The following PCNT variants were observed in gnomAD, a reference collection of about 807,000 sequenced individuals.
PCNT encodes pericentrin.
PCNT carries 319 observed loss-of-function variants against 380.4 expected under a neutral mutation model. The observed-to-expected ratio is 0.84, with a 90% CI of 0.77 to 0.92. The LOEUF (loss-of-function observed/expected upper bound fraction) is 0.92, where lower values mean the gene tolerates loss of function less well. PCNT is among the 40% of genes least tolerant of loss of function. PCNT has a pLI of 0.00. For missense variants in PCNT, 4,400 were observed against 4,255.3 expected, an observed-to-expected ratio of 1.03 and a Z score of -0.95; for synonymous variants, 1,845 against 1,735.2, an observed-to-expected ratio of 1.06 and a Z score of -1.57.
chr21:46,442,414 T>G, intron 43 of PCNT, 83 bp from the exon 44 acceptor site: 1 of 851,234 alleles, frequency 1.2e-6, no homozygotes, highest in Non-Finnish European at 2.0e-6. Context: ...ATTCTGCTTG[T>G]TTGGTCACAG....
intron 16 of PCNT, among the ~76,000 whole-genome samples, chr21:46,382,870 T>G (rs1408513565): frequency 7.9e-6 from 1 of 126,622 alleles, no homozygotes. Flanking sequence ...ATTCATGGTG[T>G]TGTGCATTCA....
intron 31 of PCNT, among the ~76,000 whole-genome samples, chr21:46,418,963 A>G (rs1328940999): frequency 6.6e-6 from 1 of 152,158 alleles, no homozygotes; most frequent in Non-Finnish European, 1.5e-5. Flanking sequence ...GCGGAGACTG[A>G]GTATTCTCTT....
rs1569298089 is a variant in PCNT at position 46,430,603 on chromosome 21, G to A, written c.8010G>A (p.Glu2670=). 1 of 1,568,176 alleles carries A rather than the reference G, an allele frequency of 6.4e-7. No individual in the cohort carries two copies. The highest frequency in any genetic ancestry group is 1.9e-5 in the Admixed American group (1 of 53,390). Residue 2670 remains glutamate (E), a synonymous_variant, in exon 37 of 47, where the codon GAG becomes GAA. Transcript: ENST00000359568. ...GGCGTGCCCTGCAGAGCCAGCTGGA[G>A]GAGGAGCAGCTGCGGCACCTGCAGA... ...GKGRALQSQL[E]EEQLRHLQRE... is the part of the protein sequence containing the mutation.
chr21:46,437,326 G>A (rs1340877949), intron 40 of PCNT, among the ~76,000 whole-genome samples: 2 of 121,432 alleles, frequency 1.6e-5, no homozygotes, highest in East Asian at 3.9e-4. Context: ...GCCATGGGAT[G>A]CTGTGTGACT....
rs1339410386 is a variant in PCNT at position 46,334,429 on chromosome 21, C to T, written c.300C>T (p.Asp100=). Residue 100 remains aspartate (D), a synonymous_variant, in exon 3 of 47, where the codon GAC becomes GAT. Transcript: ENST00000359568. ...ACTGTGATGGAGAGAAGAGAGAGGA[C>T]TTGGAACAGCTGCAGCAGAAGCAAG... ...PEDCDGEKRE[D]LEQLQQKQVN... The T allele has an allele frequency of 1.2e-6, 2 of 1,614,222 alleles. No individual in the cohort carries two copies. The highest frequency in any genetic ancestry group is 2.2e-5 in the East Asian group (1 of 44,882).
At chr21:46,442,734 C>G in intron 44 of PCNT, 161 bp downstream of exon 44, 1 of 677,438 alleles carries the variant, frequency 1.5e-6, no homozygotes, top group Admixed American at 2.1e-5. Context: ...AGGGAAGGCG[C>G]GCCCGGCGTA....
At chr21:46,392,484 G>A (rs2086066418) in intron 21 of PCNT, among the ~76,000 whole-genome samples, 1 of 152,252 alleles carries the variant, frequency 6.6e-6, no homozygotes, top group African/African-American at 2.4e-5. Flanking sequence ...GCCTCCCATA[G>A]TGCTGGGATC....
Position 46,374,801 on chromosome 21 carries a change from A to G in PCNT, c.3166-6893A>G, listed in dbSNP as rs569769576. On this transcript the variant is annotated intron_variant, in intron 15 of 46. Coordinates refer to ENST00000359568, the MANE Select transcript of PCNT (RefSeq NM_006031.6). ...GAGGTGGAGGTTGTGGTGAGCCAAG[A>G]TCGTGCCGTTGCACTCCAGCCTGGG... Among the ~76,000 whole-genome samples the G allele has an allele frequency of 1.6e-3, 228 of 146,626 alleles. 1 individual carries two copies. In the South Asian group the frequency reaches 0.021, roughly 13 times the overall value.
chr21:46,403,616 T>G (rs1406376558), intron 27 of PCNT, among the ~76,000 whole-genome samples: 1 of 132,846 alleles, frequency 7.5e-6, no homozygotes. Context: ...GGGAGAATCG[T>G]GTGTGTGTGG....
intron 43 of PCNT, among the ~76,000 whole-genome samples, chr21:46,442,067 G>A (rs2053620254): frequency 1.3e-5 from 2 of 152,188 alleles, no homozygotes; most frequent in South Asian, 4.1e-4. Context: ...CGAGGGCTGG[G>A]GTCTCCGTGT....
intron 15 of PCNT, among the ~76,000 whole-genome samples, chr21:46,379,723 C>G (rs906567847): frequency 4.6e-5 from 7 of 152,116 alleles, no homozygotes; most frequent in Non-Finnish European, 1.0e-4. Context: ...GCTGCCGAAC[C>G]CCTCTCTAGT....
chr21:46,391,339 G>A lies in PCNT; in HGVS notation c.4179G>A (p.Gly1393=), dbSNP rs1444123415. Residue 1393 remains glycine, a synonymous_variant, in exon 21 of 47, where the codon GGG becomes GGA. Coordinates refer to ENST00000359568, the MANE Select transcript of PCNT (RefSeq NM_006031.6). Reference sequence around the variant, plus strand: ...AGTGCACCCGTCTGTGGAGTCGGGGGGAGGCCACAGCCACGGACGCCGAGG... The same window carrying A: ...AGTGCACCCGTCTGTGGAGTCGGGGAGAGGCCACAGCCACGGACGCCGAGG... ...REECTRLWSR[G]EATATDAEAR... 6.4e-7 allele frequency: 1 copy of A among 1,556,164 alleles called. No individual in the cohort carries two copies. Among genetic ancestry groups the A allele is most frequent in the South Asian group, 1.2e-5 (1 of 84,486 alleles).
At chr21:46,400,363 G>T (rs1314662212) in intron 25 of PCNT, among the ~76,000 whole-genome samples, 2 of 152,194 alleles carry the variant, frequency 1.3e-5, no homozygotes, top group Non-Finnish European at 2.9e-5. Context: ...GCCCTCCATT[G>T]TGAGCATTTA....
rs774377991 is a variant in PCNT at position 46,416,059 on chromosome 21, T to C, written c.6151-10T>C. 1.5e-5 allele frequency: 25 copies of C among 1,613,810 alleles called. No homozygotes were observed. Among genetic ancestry groups the C allele is most frequent in the Non-Finnish European group, 1.9e-5 (22 of 1,180,004 alleles). On this transcript the variant is annotated splice_polypyrimidine_tract_variant and intron_variant, in intron 29 of 46. Coordinates refer to ENST00000359568, the MANE Select transcript of PCNT (RefSeq NM_006031.6). ...TATTCCACCGTGCACCTGTTCTGTTTCACCTGCAGGGTAAAGAAAAAGTAC... is the reference window on the plus strand; with the variant it reads ...TATTCCACCGTGCACCTGTTCTGTTCCACCTGCAGGGTAAAGAAAAAGTAC...
At chr21:46,439,542 C>T (rs777234630) in intron 41 of PCNT, among the ~76,000 whole-genome samples, 24 of 152,220 alleles carry the variant, frequency 1.6e-4, no homozygotes, top group Non-Finnish European at 2.9e-4. Context: ...TGCAGCACCT[C>T]ATTCAGTGTA....
chr21:46,412,037 T>C lies in PCNT; in HGVS notation c.5964T>C (p.Ala1988=). 6.2e-7 allele frequency: 1 copy of C among 1,608,334 alleles called. No homozygotes were observed. The highest frequency in any genetic ancestry group is 8.5e-7 in the Non-Finnish European group (1 of 1,179,816). ...GCGACGTGGAGGCCTCCCATGATGC[T>C]GCTTTGGAGCCGGTTGTCCCTGACC... ...VTGDVEASHD[A]ALEPVVPDPQ... Residue 1988 remains alanine (A), a synonymous_variant, in exon 28 of 47, where the codon GCT becomes GCC. Coordinates refer to ENST00000359568, the MANE Select transcript of PCNT (RefSeq NM_006031.6).
intron 28 of PCNT, 83 bp from the exon 29 acceptor site, chr21:46,412,754 G>A: frequency 6.8e-7 from 1 of 1,465,232 alleles, no homozygotes; most frequent in East Asian, 2.3e-5. Flanking sequence ...CTGCCGTACT[G>A]GTTCCCAGCT....
At chr21:46,362,719 G>A (rs895919203) in intron 13 of PCNT, among the ~76,000 whole-genome samples, 5 of 151,982 alleles carry the variant, frequency 3.3e-5, no homozygotes, top group Non-Finnish European at 7.4e-5. Flanking sequence ...TGAGGCTGGC[G>A]GATTGCTTGA....
At chr21:46,373,576 C>G (rs767959883) in intron 15 of PCNT, among the ~76,000 whole-genome samples, 1 of 150,008 alleles carries the variant, frequency 6.7e-6, no homozygotes, top group Non-Finnish European at 1.5e-5. Context: ...GGACTACAGG[C>G]ATGCGCCACC....
Sources: gnomAD v4.1 joint callset for allele counts (sites outside exome capture counted in the v4.1 genomes callset) on GRCh38, gnomAD v4.1.1 for gene constraint, MANE v1.5 for transcripts, NCBI Gene and HGNC (gene_info 2026-07-23, HGNC 2026-07-21) for gene names.